Variants in CDK5RAP1 observed in about 807,000 individuals in gnomAD.
CDK5RAP1 encodes mitochondrial tRNA methylthiotransferase CDK5RAP1.
Under a neutral mutation model 64.5 loss-of-function variants are expected in CDK5RAP1, and 62 were observed. The observed-to-expected ratio is 0.96, with a 90% CI of 0.78 to 1.19. The LOEUF is 1.19. Ranked by LOEUF, CDK5RAP1 falls within the 50% of genes most tolerant of loss-of-function variation. CDK5RAP1 has a pLI of 0.00. For missense variants in CDK5RAP1, 657 were observed against 735.0 expected (o/e 0.89, Z 1.23); for synonymous variants, 250 against 261.9 (o/e 0.95, Z 0.44).
chr20:33,390,843 A>G (rs919826514), intron 5 of CDK5RAP1, among the ~76,000 whole-genome samples: 1 of 152,158 alleles, frequency 6.6e-6, no homozygotes. Context: ...ACTATTCCAC[A>G]ATGGAGATAG....
chr20:33,400,151 A>C (rs1029111821), intron 1 of CDK5RAP1, among the ~76,000 whole-genome samples: 1 of 152,256 alleles, frequency 6.6e-6, no homozygotes, highest in Non-Finnish European at 1.5e-5. Flanking sequence ...ATCTGACGGG[A>C]GGCAGAGCTC....
intron 6 of CDK5RAP1, 83 bp downstream of exon 6, chr20:33,387,240 G>C (rs1600776455): frequency 1.9e-6 from 2 of 1,027,144 alleles, no homozygotes; most frequent in East Asian, 2.5e-5. Flanking sequence ...TGGATGACAA[G>C]AGTGAGACCC....
At chr20:33,361,111 T>A (rs1166798903) in intron 12 of CDK5RAP1, among the ~76,000 whole-genome samples, 1 of 152,180 alleles carries the variant, frequency 6.6e-6, no homozygotes, top group Non-Finnish European at 1.5e-5. Context: ...TGTTTTCGGA[T>A]ACTGGACAAG....
At chr20:33,375,539 A>G (rs1414789337) in intron 8 of CDK5RAP1, among the ~76,000 whole-genome samples, 1 of 152,218 alleles carries the variant, frequency 6.6e-6, no homozygotes, top group Non-Finnish European at 1.5e-5. Context: ...TTACAACTCA[A>G]TAAGAAGACA....
chr20:33,373,317 G>A (rs1985430046), intron 9 of CDK5RAP1: 1 of 150,742 alleles, frequency 6.6e-6, no homozygotes, highest in Non-Finnish European at 1.5e-5. Flanking sequence ...ATGTTGCCCA[G>A]GTGTGTGTGT....
rs1568670097 is a variant in CDK5RAP1 at position 33,359,032 on chromosome 20, A to G, written c.*11T>C. 1.2e-6 allele frequency: 2 copies of G among 1,601,110 alleles called. No individual in the cohort carries two copies. Among genetic ancestry groups the G allele is most frequent in the South Asian group, 1.1e-5 (1 of 90,752 alleles). On this transcript the variant is annotated 3_prime_UTR_variant, in exon 14 of 14. Coordinates refer to ENST00000346416, the MANE Select transcript of CDK5RAP1 (RefSeq NM_016408.4). Reference sequence around the variant, plus strand: ...GATTGCCCAAGTCAGCTCTGAGGCCATCCTCTCAGGTCAGCAATATGCAGA... The same window carrying G: ...GATTGCCCAAGTCAGCTCTGAGGCCGTCCTCTCAGGTCAGCAATATGCAGA...
chr20:33,386,133 G>A (rs1394744222), intron 6 of CDK5RAP1, among the ~76,000 whole-genome samples: 4 of 152,042 alleles, frequency 2.6e-5, no homozygotes, highest in Admixed American at 6.6e-5. Context: ...TTGCAATCTC[G>A]GCTCACTGCA....
intron 1 of CDK5RAP1, among the ~76,000 whole-genome samples, chr20:33,400,405 T>A (rs1989292365): frequency 6.6e-6 from 1 of 152,194 alleles, no homozygotes; most frequent in Non-Finnish European, 1.5e-5. Flanking sequence ...AACTTTAAAA[T>A]CGCCCCTTTC....
rs1988935560 is a variant in CDK5RAP1 at position 33,396,791 on chromosome 20, T to C, written c.274A>G (p.Met92Val). 4 of 1,613,938 alleles carry C rather than the reference T, an allele frequency of 2.5e-6. No individual in the cohort carries two copies. The highest frequency in any genetic ancestry group is 4.5e-5 in the East Asian group (2 of 44,888). Residue 92 changes from methionine (M) to valine (V), a missense_variant, in exon 2 of 14, where the codon ATG becomes GTG. Physicochemically the swap from Met to Val is conservative, Grantham distance 21 (BLOSUM62 1). Transcript: ENST00000346416. Reference sequence around the variant, plus strand: ...CTCTGCCTTCCAAGAAGTTCATCCATCATGAGATAGGGAGGTGGGTCTTCC... The same window carrying C: ...CTCTGCCTTCCAAGAAGTTCATCCACCATGAGATAGGGAGGTGGGTCTTCC... ...EVEDPPPYLM[M>V]DELLGRQRKV...
In CDK5RAP1 at chr20:33,360,359, G is replaced by A. The variant is rs369620313; in HGVS notation, c.1675C>T (p.Leu559=). Residue 559 remains leucine, a synonymous_variant, in exon 13 of 14, where the codon CTG becomes TTG. Transcript: ENST00000346416. ...CCAAAAGGACTCCTCACCTTCACCA[G>A]CACATAGTCCCCAGGCTGGGCTCTG... ...RVRAQPGDYV[L]VKITSASSQT... 1 of 1,613,840 alleles carries A rather than the reference G, an allele frequency of 6.2e-7. No individual in the cohort carries two copies. The highest frequency in any genetic ancestry group is 1.3e-5 in the African/African-American group (1 of 74,882).
chr20:33,382,672 A>T (rs6088204), intron 7 of CDK5RAP1, among the ~76,000 whole-genome samples: 63,910 of 151,490 alleles, frequency 0.42, 14,405 homozygotes, highest in Non-Finnish European at 0.51. Flanking sequence ...AAAGAGCAAA[A>T]TTCCGTCTCT....
intron 7 of CDK5RAP1, among the ~76,000 whole-genome samples, chr20:33,384,048 A>T (rs886974823): frequency 6.6e-6 from 1 of 152,242 alleles, no homozygotes; most frequent in African/African-American, 2.4e-5. Flanking sequence ...GACTTTTTAT[A>T]AAAGTTGCTT....
intron 2 of CDK5RAP1, among the ~76,000 whole-genome samples, chr20:33,395,859 C>T (rs986072334): frequency 2.6e-5 from 4 of 151,850 alleles, no homozygotes; most frequent in African/African-American, 9.7e-5. Flanking sequence ...ACTAAAAATA[C>T]AAAAATCAGC....
At chr20:33,380,335 C>G (rs1173027258) in intron 7 of CDK5RAP1, among the ~76,000 whole-genome samples, 1 of 152,196 alleles carries the variant, frequency 6.6e-6, no homozygotes, top group Non-Finnish European at 1.5e-5. Context: ...TTAAGCAGTC[C>G]TCCTGCCTCA....
rs149454305 is a variant in CDK5RAP1 at position 33,375,204 on chromosome 20, C to T, written c.1108-992G>A. Among the ~76,000 whole-genome samples, 231 of 151,708 alleles carry T rather than the reference C, an allele frequency of 1.5e-3. 1 individual carries two copies. Among genetic ancestry groups the T allele is most frequent in the Middle Eastern group, 3.4e-3 (1 of 294 alleles). ...ATCATTTGAGGTCAGCAGTTCGAGA[C>T]CAGCTTGGCCAACATGGTAAAACCC... On this transcript the variant is annotated intron_variant, in intron 8 of 13. Coordinates refer to ENST00000346416, the MANE Select transcript of CDK5RAP1 (RefSeq NM_016408.4).
Position 33,370,546 on chromosome 20 carries a change from C to T in CDK5RAP1, c.1345G>A (p.Glu449Lys). ...AGGAAGCCCATGTTGTACTGAACTTCCCGGAGCAAAGAGACTGTCTGGACG... is the reference window on the plus strand; with the variant it reads ...AGGAAGCCCATGTTGTACTGAACTTTCCGGAGCAAAGAGACTGTCTGGACG... ...DHVQTVSLLR[E>K]VQYNMGFLFA... Residue 449 changes from glutamate to lysine, a missense_variant, in exon 11 of 14, where the codon GAA (glutamate) becomes AAA (lysine). Transcript: ENST00000346416. The T allele has an allele frequency of 6.2e-7, 1 of 1,614,174 alleles. No individual in the cohort carries two copies. The highest frequency in any genetic ancestry group is 8.5e-7 in the Non-Finnish European group (1 of 1,180,040).
chr20:33,385,559 A>C, intron 7 of CDK5RAP1, 91 bp downstream of exon 7: 1 of 1,459,960 alleles, frequency 6.8e-7, no homozygotes, highest in Admixed American at 2.1e-5. Context: ...AACTTTAATA[A>C]GTCAGAGACA....
intron 7 of CDK5RAP1, among the ~76,000 whole-genome samples, chr20:33,384,216 G>A (rs1218763588): frequency 2.6e-5 from 4 of 152,142 alleles, no homozygotes; most frequent in African/African-American, 9.7e-5. Flanking sequence ...ATTATTAAGT[G>A]ACTAACAGAT....
At chr20:33,363,982 A>C (rs1452433646) in intron 12 of CDK5RAP1, among the ~76,000 whole-genome samples, 1 of 152,192 alleles carries the variant, frequency 6.6e-6, no homozygotes, top group East Asian at 1.9e-4. Context: ...AGTGTAAAAG[A>C]ACATTCATGA....
Sources: allele counts gnomAD v4.1 joint callset (sites outside exome capture counted in the v4.1 genomes callset), GRCh38; gene constraint gnomAD v4.1.1; transcripts MANE v1.5; gene names NCBI Gene and HGNC (gene_info 2026-07-23, HGNC 2026-07-21).